The following AOAH variants were observed in gnomAD, a reference collection of about 807,000 sequenced individuals.
The protein encoded by AOAH is acyloxyacyl hydrolase, also known as acyloxyacyl hydrolase (neutrophil).
A neutral mutation model predicts 92.2 loss-of-function variants in AOAH; 64 were observed. That is an observed-to-expected ratio of 0.69 (90% CI 0.57 to 0.86). The LOEUF (loss-of-function observed/expected upper bound fraction) is 0.86. Among genes scored for constraint, AOAH ranks in the 40% least tolerant of loss-of-function variants. The pLI is 0.00. For missense variants in AOAH, 656 were observed against 694.6 expected, an observed-to-expected ratio of 0.94 and a Z score of 0.62; for synonymous variants, 263 against 254.5, an observed-to-expected ratio of 1.03 and a Z score of -0.32.
intron 1 of AOAH, among the ~76,000 whole-genome samples, chr7:36,703,503 T>G (rs1798165468): frequency 6.6e-6 from 1 of 152,152 alleles, no homozygotes. Flanking sequence ...CATCAACCCG[T>G]CATCTACATT....
At chr7:36,649,631 C>T (rs1479519212) in intron 4 of AOAH, among the ~76,000 whole-genome samples, 1 of 152,180 alleles carries the variant, frequency 6.6e-6, no homozygotes. Flanking sequence ...GCATTCTAGC[C>T]GGCAATGGAT....
intron 2 of AOAH, among the ~76,000 whole-genome samples, chr7:36,675,037 C>A (rs142444916): frequency 0.013 from 1,939 of 152,266 alleles, 33 homozygotes; most frequent in African/African-American, 0.044. Context: ...GGTAGATCGC[C>A]TGCGGTCAGG....
chr7:36,536,894 G>A (rs1785093055), intron 16 of AOAH, among the ~76,000 whole-genome samples: 1 of 132,284 alleles, frequency 7.6e-6, no homozygotes, highest in Non-Finnish European at 1.5e-5. Context: ...AGGTTGCAGT[G>A]AGCTATGATC....
At chr7:36,659,384 G>C in intron 3 of AOAH, 119 bp from the exon 4 acceptor site, 2 of 799,064 alleles carry the variant, frequency 2.5e-6, no homozygotes, top group Admixed American at 2.2e-5. Flanking sequence ...ACTCCTTGCA[G>C]AGTGGCCTTT....
chr7:36,514,285 T>G (rs1790209603), intron 20 of AOAH, among the ~76,000 whole-genome samples: 1 of 141,310 alleles, frequency 7.1e-6, no homozygotes, highest in Non-Finnish European at 1.5e-5. Flanking sequence ...CTCAGAGCTG[T>G]GGGAGAGAAT....
intron 3 of AOAH, among the ~76,000 whole-genome samples, chr7:36,664,764 T>C (rs1039115714): frequency 1.3e-5 from 2 of 152,250 alleles, no homozygotes; most frequent in African/African-American, 2.4e-5. Flanking sequence ...AGAGGTTTAC[T>C]TGGCTCACTG....
chr7:36,530,478 C>T lies in AOAH; in HGVS notation c.1462G>A (p.Ala488Thr), dbSNP rs1583740557. ...EQLSNTLKKI[A>T]ASEKFTNFNL... ...AAGTTTGTAAATTTCTCACTGGCTG[C>T]AATTTTTTTCAGTGTGTTGGAGAGT... The change falls in exon 19 of 21, where the codon GCA (alanine) becomes ACA (threonine). Residue 488 changes from alanine to threonine, a missense_variant. Ala to Thr is a moderately conservative substitution (Grantham distance 58). Coordinates refer to ENST00000617537, the MANE Select transcript of AOAH (RefSeq NM_001637.4). 2 of 1,613,854 alleles carry T rather than the reference C, an allele frequency of 1.2e-6. No homozygotes were observed. Among genetic ancestry groups the T allele is most frequent in the Non-Finnish European group, 1.7e-6 (2 of 1,179,774 alleles).
chr7:36,645,214 AG>A (rs1794148787), intron 4 of AOAH, among the ~76,000 whole-genome samples: 1 of 152,138 alleles, frequency 6.6e-6, no homozygotes, highest in South Asian at 2.1e-4. Context: ...TTAGGTCATG[AG>A]GCTGGAGCCC....
At chr7:36,552,439 A>G (rs1266784045) in intron 13 of AOAH, among the ~76,000 whole-genome samples, 1 of 152,182 alleles carries the variant, frequency 6.6e-6, no homozygotes, top group Non-Finnish European at 1.5e-5. Context: ...TCTCTTTGCT[A>G]TCATGAATAG....
intron 13 of AOAH, among the ~76,000 whole-genome samples, chr7:36,564,339 T>C (rs1787522710): frequency 6.6e-6 from 1 of 152,218 alleles, no homozygotes; most frequent in Admixed American, 6.5e-5. Flanking sequence ...ATGATTCCCT[T>C]TTTGTCTTTG....
intron 6 of AOAH, among the ~76,000 whole-genome samples, chr7:36,628,472 T>C (rs1184310623): frequency 6.6e-6 from 1 of 152,194 alleles, no homozygotes; most frequent in Non-Finnish European, 1.5e-5. Context: ...CATTTATTCA[T>C]TGAGCTCCTC....
At chr7:36,653,828 G>A (rs1794719201) in intron 4 of AOAH, among the ~76,000 whole-genome samples, 2 of 152,210 alleles carry the variant, frequency 1.3e-5, no homozygotes, top group Admixed American at 1.3e-4. Context: ...GGTTAGGAAA[G>A]GAGTCAGTTC....
chr7:36,516,349 A>G lies in AOAH; in HGVS notation c.1600-2969T>C, dbSNP rs1459862826. Among the ~76,000 whole-genome samples, 1 of 103,592 alleles carries G rather than the reference A, an allele frequency of 9.7e-6. No individual in the cohort carries two copies. The highest frequency in any genetic ancestry group is 2.0e-5 in the Non-Finnish European group (1 of 51,216). The allele number at this position is 103,592 out of a possible 152,430, so 68.0% of individuals were successfully genotyped here. ...CAGAAAGCACACAGATACCACACAC[A>G]CCCCCACAGAAAGCACACAGATACC... On this transcript the variant is annotated intron_variant, in intron 20 of 20. Transcript: ENST00000617537. This position sits in a 1 kb window ranked among gnomAD's most constrained non-coding sequence, Gnocchi z 5.0.
Position 36,517,218 on chromosome 7 carries a change from T to TTC in AOAH, c.1600-3840_1600-3839dup, listed in dbSNP as rs1554360980. The stretch of plus-strand genomic sequence containing the variant: ...TCTTTCTTTCTTTCTTTCTTTCTCT[T>TTC]TCTTTCTGTCTCTCTCTCTCTCTCT... On this transcript the variant is annotated intron_variant, in intron 20 of 20. Transcript: ENST00000617537. Among the ~76,000 whole-genome samples the TTC allele has an allele frequency of 1.9e-3, 117 of 62,154 alleles. 1 individual carries two copies. The highest frequency in any genetic ancestry group is 4.5e-3 in the African/African-American group (100 of 22,016). The allele number at this position is 62,154 out of a possible 152,430, so 40.8% of individuals were successfully genotyped here. A position where few individuals can be genotyped will look rare whatever the true frequency, so the allele number is the denominator to read the frequency against.
At chr7:36,557,485 G>A (rs1786834957) in intron 13 of AOAH, among the ~76,000 whole-genome samples, 1 of 151,720 alleles carries the variant, frequency 6.6e-6, no homozygotes, top group African/African-American at 2.4e-5. Context: ...TTCTCGAGGA[G>A]TATCTTTGTG....
At chr7:36,622,622 T>C (rs973307171) in intron 7 of AOAH, among the ~76,000 whole-genome samples, 1 of 152,214 alleles carries the variant, frequency 6.6e-6, no homozygotes, top group African/African-American at 2.4e-5. Context: ...TCCAAAATAA[T>C]TCACAAAACC....
chr7:36,525,496 T>C (rs1019321561), intron 19 of AOAH, among the ~76,000 whole-genome samples: 1 of 152,224 alleles, frequency 6.6e-6, no homozygotes, highest in African/African-American at 2.4e-5. Flanking sequence ...ATTACCAAAC[T>C]GAAAACTATG....
chr7:36,524,126 C>T (rs997873388), intron 19 of AOAH, among the ~76,000 whole-genome samples: 1 of 152,050 alleles, frequency 6.6e-6, no homozygotes, highest in African/African-American at 2.4e-5. Context: ...AACGTTTTGT[C>T]CCTTTTCCCA....
chr7:36,546,726 G>A (rs1388884967), intron 15 of AOAH, among the ~76,000 whole-genome samples: 1 of 152,196 alleles, frequency 6.6e-6, no homozygotes, highest in Non-Finnish European at 1.5e-5. Context: ...TTCCTCTCTG[G>A]AGGACATGCT....
Sources: gnomAD v4.1 joint callset for allele counts (sites outside exome capture counted in the v4.1 genomes callset) on GRCh38, gnomAD v4.1.1 for gene constraint, Gnocchi (gnomAD v3.1) non-coding constraint, MANE v1.5 for transcripts, NCBI Gene and HGNC (gene_info 2026-07-23, HGNC 2026-07-21) for gene names.